ARHGAP15: variants seen among roughly 807,000 people sequenced by gnomAD.
ARHGAP15 encodes the protein Rho GTPase activating protein 15, also known as rho GTPase-activating protein 15.
In ARHGAP15, 51 loss-of-function variants were observed where a neutral mutation model predicts 63.7. That is an observed-to-expected ratio of 0.80 (90% confidence interval 0.64 to 1.01). The LOEUF (loss-of-function observed/expected upper bound fraction) is 1.01. Among genes scored for constraint, ARHGAP15 ranks in the 50% least tolerant of loss-of-function variants. ARHGAP15 has a pLI of 0.00. For missense variants in ARHGAP15, 560 were observed against 564.6 expected (o/e 0.99, Z 0.08); for synonymous variants, 191 against 193.8 (o/e 0.99, Z 0.12).
intron 6 of ARHGAP15, among the ~76,000 whole-genome samples, chr2:143,365,012 A>AAAATAAATAAAT (rs34729404): frequency 7.3e-5 from 11 of 151,588 alleles, no homozygotes; most frequent in South Asian, 2.1e-4. Context: ...TGTGGGAAAT[A>AAAATAAATAAAT]AAATAAATAA....
At chr2:143,319,163 T>C (rs1364656516) in intron 6 of ARHGAP15, among the ~76,000 whole-genome samples, 2 of 152,084 alleles carry the variant, frequency 1.3e-5, no homozygotes, top group Admixed American at 1.3e-4. Context: ...ATAGCTCCAT[T>C]TCTTTTTCTA....
intron 2 of ARHGAP15, among the ~76,000 whole-genome samples, chr2:143,167,858 T>G (rs1238528632): frequency 1.3e-5 from 2 of 152,252 alleles, no homozygotes; most frequent in African/African-American, 4.8e-5. Flanking sequence ...TTTGAAAGCC[T>G]TTCATTAGAG....
chr2:143,560,758 G>A (rs1378908340), intron 11 of ARHGAP15, among the ~76,000 whole-genome samples: 2 of 152,204 alleles, frequency 1.3e-5, no homozygotes, highest in Admixed American at 6.5e-5. Context: ...GCCATTCTCT[G>A]TATGGCTTTA....
At chr2:143,731,792 C>A (rs1362261715) in intron 13 of ARHGAP15, among the ~76,000 whole-genome samples, 1 of 152,174 alleles carries the variant, frequency 6.6e-6, no homozygotes, top group Non-Finnish European at 1.5e-5. Flanking sequence ...GAATACTAAC[C>A]ATATGTCCCA....
chr2:143,346,813 TGAAA>T (rs1490746789), intron 6 of ARHGAP15, among the ~76,000 whole-genome samples: 5 of 152,094 alleles, frequency 3.3e-5, no homozygotes, highest in Non-Finnish European at 7.4e-5. Flanking sequence ...GAAAACTGAC[TGAAA>T]GAGATAAATT....
intron 5 of ARHGAP15, chr2:143,238,396 A>G (rs538234791): frequency 6.6e-6 from 1 of 152,372 alleles, no homozygotes; most frequent in Middle Eastern, 3.4e-3. Context: ...ACATGAACAG[A>G]TACTTCTCAA....
chr2:143,390,832 G>A (rs973094553), intron 6 of ARHGAP15, among the ~76,000 whole-genome samples: 6 of 152,040 alleles, frequency 3.9e-5, no homozygotes, highest in Non-Finnish European at 7.4e-5. Flanking sequence ...CTTGTACTCC[G>A]GGGAAAATTT....
At chr2:143,447,657 C>A (rs986343571) in intron 8 of ARHGAP15, among the ~76,000 whole-genome samples, 1 of 152,184 alleles carries the variant, frequency 6.6e-6, no homozygotes, top group South Asian at 2.1e-4. Flanking sequence ...CCCCATCACT[C>A]AGAACAGAGT....
At chr2:143,304,148 T>G (rs1683054286) in intron 6 of ARHGAP15, among the ~76,000 whole-genome samples, 1 of 152,168 alleles carries the variant, frequency 6.6e-6, no homozygotes, top group South Asian at 2.1e-4. Context: ...TAAAGACACA[T>G]GCACACGTAT....
chr2:143,135,410 C>T (rs751048958), intron 1 of ARHGAP15, among the ~76,000 whole-genome samples: 1 of 152,096 alleles, frequency 6.6e-6, no homozygotes, highest in Admixed American at 6.5e-5. Flanking sequence ...ATTTTGAACT[C>T]TAAGTATACT....
intron 10 of ARHGAP15, among the ~76,000 whole-genome samples, chr2:143,520,262 A>G (rs555186037): frequency 6.6e-6 from 1 of 152,318 alleles, no homozygotes; most frequent in Non-Finnish European, 1.5e-5. Context: ...TCTTTACCCA[A>G]TAATCTACTA....
chr2:143,614,053 T>C (rs762930230), intron 11 of ARHGAP15, among the ~76,000 whole-genome samples: 13 of 152,186 alleles, frequency 8.5e-5, no homozygotes, highest in Non-Finnish European at 1.9e-4. Context: ...TGCATCATGT[T>C]CTTCATTCCT....
At chr2:143,733,692 AAG>A (rs1685636283) in intron 13 of ARHGAP15, among the ~76,000 whole-genome samples, 1 of 152,222 alleles carries the variant, frequency 6.6e-6, no homozygotes, top group Non-Finnish European at 1.5e-5. Context: ...CAGAGATTAA[AAG>A]AATTCATTTG....
chr2:143,618,215 G>T (rs2105230623), intron 11 of ARHGAP15, among the ~76,000 whole-genome samples: 2 of 152,290 alleles, frequency 1.3e-5, no homozygotes, highest in Non-Finnish European at 2.9e-5. Flanking sequence ...ACTTACTTTT[G>T]ATCCATTCCT....
chr2:143,371,973 C>A (rs929977981), intron 6 of ARHGAP15, among the ~76,000 whole-genome samples: 12 of 151,724 alleles, frequency 7.9e-5, no homozygotes, highest in Non-Finnish European at 1.8e-4. Context: ...AGAACTTACT[C>A]ATGTAACCAA....
chr2:143,288,371 G>A (rs1454866204), intron 6 of ARHGAP15, among the ~76,000 whole-genome samples: 2 of 150,082 alleles, frequency 1.3e-5, no homozygotes, highest in Admixed American at 6.6e-5. Context: ...ATTGTATTTG[G>A]AAAAAAAAAT....
chr2:143,294,133 C>T (rs1682529246), intron 6 of ARHGAP15, among the ~76,000 whole-genome samples: 1 of 152,018 alleles, frequency 6.6e-6, no homozygotes, highest in African/African-American at 2.4e-5. Flanking sequence ...GATTCTAAGA[C>T]AGTCTCTGTT....
chr2:143,704,197 G>T (rs1438685526), intron 13 of ARHGAP15, among the ~76,000 whole-genome samples: 2 of 152,102 alleles, frequency 1.3e-5, no homozygotes, highest in East Asian at 3.9e-4. Context: ...TGAGAGATTT[G>T]GATTCTATTC....
intron 10 of ARHGAP15, among the ~76,000 whole-genome samples, chr2:143,553,336 C>T (rs1056259500): frequency 6.6e-6 from 1 of 152,110 alleles, no homozygotes; most frequent in Non-Finnish European, 1.5e-5. Context: ...AAAGCAGGAG[C>T]CGCTAATGTC....
Sources: gnomAD v4.1 joint callset for allele counts (sites outside exome capture counted in the v4.1 genomes callset) on GRCh38, gnomAD v4.1.1 for gene constraint, MANE v1.5 for transcripts, NCBI Gene and HGNC (gene_info 2026-07-23, HGNC 2026-07-21) for gene names.